DPYD: variants seen among roughly 807,000 people sequenced by gnomAD.
DPYD encodes dihydropyrimidine dehydrogenase, also known as dihydropyrimidine dehydrogenase [NADP(+)].
DPYD carries 109 observed loss-of-function variants against 116.2 expected under a neutral mutation model. That is an observed-to-expected ratio of 0.94 (90% CI 0.80 to 1.10). The LOEUF is 1.10. DPYD is among the 50% of genes least tolerant of loss of function. DPYD has a pLI of 0.00. For synonymous variants in DPYD, 440 were observed against 432.0 expected (o/e 1.02, Z -0.23); for missense variants, 1,302 against 1,254.5 (o/e 1.04, Z -0.57).
At chr1:97,751,960 C>T (rs181641230) in intron 3 of DPYD, among the ~76,000 whole-genome samples, 3 of 152,002 alleles carry the variant, frequency 2.0e-5, no homozygotes, top group Admixed American at 6.6e-5. Context: ...ACTTTCACCA[C>T]GTTGGCCGGG....
chr1:97,368,279 G>A (rs1393102457), intron 16 of DPYD, among the ~76,000 whole-genome samples: 1 of 152,050 alleles, frequency 6.6e-6, no homozygotes, highest in Non-Finnish European at 1.5e-5. Context: ...GTTACCTTAG[G>A]CTAAGGCAGA....
intron 8 of DPYD, among the ~76,000 whole-genome samples, chr1:97,650,281 C>A (rs1275724088): frequency 6.6e-6 from 1 of 152,132 alleles, no homozygotes; most frequent in Non-Finnish European, 1.5e-5. Flanking sequence ...AGCTCTTTCC[C>A]TGGCATAGAA....
chr1:97,739,485 A>C (rs948082304), intron 4 of DPYD, among the ~76,000 whole-genome samples: 3 of 152,152 alleles, frequency 2.0e-5, no homozygotes, highest in Admixed American at 2.0e-4. Flanking sequence ...AAATTCTTTC[A>C]AGACCCTAAA....
At position 97,419,270 on chromosome 1, in the gene DPYD, C is replaced by CAG. The variant is rs1303004863; in HGVS notation, c.1905+30788_1905+30789insCT. 2.0e-5 allele frequency among the ~76,000 whole-genome samples: 3 copies of CAG among 152,232 alleles called. No individual in the cohort carries two copies. In the East Asian group the frequency reaches 5.8e-4, roughly 29 times the overall value. ...TGTATAATACTTTCTTCTTCATATGCAATATATGCCCTACTCTTGCTACTT... is the reference window on the plus strand; with the variant it reads ...TGTATAATACTTTCTTCTTCATATGCAGAATATATGCCCTACTCTTGCTACTT... On this transcript the variant is annotated intron_variant, in intron 14 of 22. Coordinates refer to ENST00000370192, the MANE Select transcript of DPYD (RefSeq NM_000110.4).
chr1:97,619,354 G>A (rs896393494), intron 8 of DPYD, among the ~76,000 whole-genome samples: 1 of 152,132 alleles, frequency 6.6e-6, no homozygotes, highest in African/African-American at 2.4e-5. Flanking sequence ...ATGGAATGCT[G>A]GTTGACAGGA....
intron 11 of DPYD, among the ~76,000 whole-genome samples, chr1:97,560,558 CAAAAA>C (rs67653141): frequency 9.0e-6 from 1 of 111,456 alleles, no homozygotes. Context: ...ATTCAATTAG[CAAAAA>C]AAAAAAAAAA....
chr1:97,286,545 T>G (rs923155388), intron 18 of DPYD, among the ~76,000 whole-genome samples: 3 of 152,170 alleles, frequency 2.0e-5, no homozygotes, highest in Non-Finnish European at 4.4e-5. Context: ...TCCCCGTCAC[T>G]TTCAGGTACA....
intron 16 of DPYD, among the ~76,000 whole-genome samples, chr1:97,324,910 G>C (rs1398873745): frequency 1.3e-5 from 2 of 152,006 alleles, no homozygotes; most frequent in Admixed American, 6.6e-5. Flanking sequence ...AGGCACTGAA[G>C]TTAAATTAAA....
intron 16 of DPYD, among the ~76,000 whole-genome samples, chr1:97,345,552 C>G (rs933793509): frequency 6.6e-6 from 1 of 151,920 alleles, no homozygotes; most frequent in African/African-American, 2.4e-5. Context: ...CCTCATAACT[C>G]ATATCCTAGA....
At chr1:97,353,282 G>T (rs1035605990) in intron 16 of DPYD, among the ~76,000 whole-genome samples, 1 of 152,120 alleles carries the variant, frequency 6.6e-6, no homozygotes, top group African/African-American at 2.4e-5. Flanking sequence ...CTCACTGCCT[G>T]GATGGCTTAA....
chr1:97,903,414 G>A (rs1260083018), intron 1 of DPYD, among the ~76,000 whole-genome samples: 1 of 151,806 alleles, frequency 6.6e-6, no homozygotes, highest in African/African-American at 2.4e-5. Context: ...TATGTAAATG[G>A]TGTTTCTCAC....
intron 1 of DPYD, among the ~76,000 whole-genome samples, chr1:97,902,468 C>T (rs537698723): frequency 5.9e-5 from 9 of 151,850 alleles, no homozygotes; most frequent in African/African-American, 2.2e-4. Flanking sequence ...TTTGGATTTA[C>T]TGGGTAAAAC....
intron 20 of DPYD, among the ~76,000 whole-genome samples, chr1:97,179,446 C>T (rs1405579925): frequency 6.6e-6 from 1 of 152,052 alleles, no homozygotes; most frequent in Non-Finnish European, 1.5e-5. Context: ...ACAGCCAGCA[C>T]AGGACCTAGA....
At chr1:97,699,298 G>T in intron 6 of DPYD, 53 bp downstream of exon 6, 1 of 1,543,350 alleles carries the variant, frequency 6.5e-7, no homozygotes, top group South Asian at 1.1e-5. Context: ...ATTCATAATT[G>T]TTTTGCTCCA....
At chr1:97,426,474 G>A (rs185801904) in intron 14 of DPYD, among the ~76,000 whole-genome samples, 10 of 152,234 alleles carry the variant, frequency 6.6e-5, no homozygotes, top group Non-Finnish European at 1.3e-4. Context: ...GGACCCATGA[G>A]GCTGAAGGAT....
At chr1:97,735,325 G>A (rs779302525) in intron 4 of DPYD, among the ~76,000 whole-genome samples, 1 of 151,984 alleles carries the variant, frequency 6.6e-6, no homozygotes, top group African/African-American at 2.4e-5. Flanking sequence ...CATCAGACTC[G>A]CAGAGACTTT....
chr1:97,086,012 TTTATTAC>T, intron 21 of DPYD, among the ~76,000 whole-genome samples: 1 of 152,328 alleles, frequency 6.6e-6, no homozygotes, highest in African/African-American at 2.4e-5. Flanking sequence ...TTATTATCAA[TTTATTAC>T]TTGTTTGAGA....
At chr1:97,124,033 A>C (rs1193831930) in intron 20 of DPYD, among the ~76,000 whole-genome samples, 1 of 152,004 alleles carries the variant, frequency 6.6e-6, no homozygotes, top group Non-Finnish European at 1.5e-5. Context: ...TCACTTTTCC[A>C]TGGATTTTGC....
chr1:97,471,516 G>T (rs564028266), intron 13 of DPYD, among the ~76,000 whole-genome samples: 1 of 151,642 alleles, frequency 6.6e-6, no homozygotes, highest in East Asian at 1.9e-4. Context: ...ACACCATGGA[G>T]CTTATATTTC....
Sources: allele counts gnomAD v4.1 joint callset (sites outside exome capture counted in the v4.1 genomes callset), GRCh38; gene constraint gnomAD v4.1.1; transcripts MANE v1.5; gene names NCBI Gene and HGNC (gene_info 2026-07-23, HGNC 2026-07-21).